The following RBM4 variants were observed in gnomAD, a reference collection of about 807,000 sequenced individuals.
RBM4 encodes the protein RNA binding motif protein 4, also known as RNA-binding protein 4.
A neutral mutation model predicts 29.5 loss-of-function variants in RBM4; 7 were observed. The observed-to-expected ratio is 0.24, with a 90% CI of 0.14 to 0.45. RBM4 has a LOEUF of 0.45. Ranked by LOEUF, RBM4 falls within the 20% of genes least tolerant of loss-of-function variation. The pLI is 1.00. For synonymous variants in RBM4, 220 were observed against 205.4 expected, an observed-to-expected ratio of 1.07 and a Z score of -0.61; for missense variants, 387 against 502.3, an observed-to-expected ratio of 0.77 and a Z score of 2.19.
At chr11:66,642,624 C>T (rs1005466739) in intron 2 of RBM4, among the ~76,000 whole-genome samples, 7 of 152,206 alleles carry the variant, frequency 4.6e-5, no homozygotes, top group East Asian at 1.9e-4. Flanking sequence ...GTTTGGTCCA[C>T]TGACTAGTAT....
Position 66,643,532 on chromosome 11 carries a change from C to T in RBM4, c.495C>T (p.Cys165=). 2.5e-6 allele frequency: 4 copies of T among 1,614,052 alleles called. No individual in the cohort carries two copies. Among genetic ancestry groups the T allele is most frequent in the African/African-American group, 2.7e-5 (2 of 74,988 alleles). The change falls in exon 3 of 4, where the codon TGC becomes TGT. Residue 165 remains cysteine, a synonymous_variant. Coordinates refer to ENST00000310092, the MANE Select transcript of RBM4 (RefSeq NM_002896.4). The surrounding 1 kb of genome is among the most constrained non-coding windows in gnomAD (Gnocchi z 6.1). ...GMGDQSGCYR[C]GKEGHWSKEC... is the part of the protein sequence containing the mutation. Reference sequence around the variant, plus strand: ...GAGACCAGAGCGGCTGCTATCGGTGCGGGAAAGAGGGGCACTGGTCCAAAG... The same window carrying T: ...GAGACCAGAGCGGCTGCTATCGGTGTGGGAAAGAGGGGCACTGGTCCAAAG...
At chr11:66,660,707 G>A (rs1276513036) in intron 2 of RBM4, among the ~76,000 whole-genome samples, 1 of 150,664 alleles carries the variant, frequency 6.6e-6, no homozygotes, top group Non-Finnish European at 1.5e-5. Flanking sequence ...AGGCTGGAGT[G>A]CAGTGGTGCG....
At chr11:66,654,276 G>A (rs182469798) in intron 2 of RBM4, among the ~76,000 whole-genome samples, 2 of 151,994 alleles carry the variant, frequency 1.3e-5, no homozygotes, top group Non-Finnish European at 2.9e-5. Flanking sequence ...CGGATCATGA[G>A]GTCAGGAAAT....
chr11:66,639,617 T>C (rs905693436), intron 1 of RBM4, 83 bp from the exon 2 acceptor site: 126 of 1,499,742 alleles, frequency 8.4e-5, no homozygotes, highest in Middle Eastern at 1.8e-4. Flanking sequence ...ACTGGAAATA[T>C]ACATTAGAGT....
intron 2 of RBM4, among the ~76,000 whole-genome samples, chr11:66,654,154 A>T (rs1190467695): frequency 6.6e-6 from 1 of 152,084 alleles, no homozygotes; most frequent in Non-Finnish European, 1.5e-5. Flanking sequence ...CCTCCCAAGT[A>T]CTTAGGACTA....
At chr11:66,652,138 GC>G (rs1938845679) in intron 2 of RBM4, 1 of 151,910 alleles carries the variant, frequency 6.6e-6, no homozygotes, top group Non-Finnish European at 1.5e-5. Flanking sequence ...GGTCACCCAG[GC>G]TGGAGCGCAG....
intron 2 of RBM4, chr11:66,640,502 T>C: frequency 2.4e-6 from 1 of 412,764 alleles, no homozygotes; most frequent in South Asian, 6.5e-5. Flanking sequence ...ATCAGAATTC[T>C]GCATTTTACG....
At chr11:66,639,206 G>C (rs570552764) in intron 1 of RBM4, 3 of 158,122 alleles carry the variant, frequency 1.9e-5, no homozygotes, top group East Asian at 1.9e-4. Context: ...CTCGCTGTCT[G>C]ATCCGAGTCG....
Position 66,643,796 on chromosome 11 carries a change from A to G in RBM4, c.759A>G (p.Pro253=). 1 of 1,613,962 alleles carries G rather than the reference A, an allele frequency of 6.2e-7. No individual in the cohort carries two copies. Among genetic ancestry groups the G allele is most frequent in the Non-Finnish European group, 8.5e-7 (1 of 1,179,978 alleles). ...CAGAGCAGACCCTGTCCCAGCTGCC[A>G]CAAGTCCAGAATACAGCCATGGCCA... The part of the protein sequence containing the change: ...NYAEQTLSQL[P]QVQNTAMASH... The change falls in exon 3 of 4, where the codon CCA becomes CCG. Residue 253 remains proline, a synonymous_variant. Coordinates refer to ENST00000310092, the MANE Select transcript of RBM4 (RefSeq NM_002896.4). The surrounding 1 kb of genome is among the most constrained non-coding windows in gnomAD (Gnocchi z 6.1).
chr11:66,640,455 G>A (rs1467894065), intron 2 of RBM4: 7 of 482,076 alleles, frequency 1.5e-5, no homozygotes, highest in Non-Finnish European at 2.5e-5. Context: ...GCACAGTTCA[G>A]AGTTCCTCAC....
exon 3 of RBM4, chr11:66,666,242 A>G (rs72923084): frequency 0.019 from 18,916 of 995,776 alleles, 251 homozygotes; most frequent in Middle Eastern, 0.027. Context: ...CCAGACACCA[A>G]TGGCTGGGGG....
downstream of RBM4, among the ~76,000 whole-genome samples, chr11:66,650,151 T>C (rs1938793274): frequency 6.6e-6 from 1 of 152,186 alleles, no homozygotes; most frequent in Admixed American, 6.6e-5. Context: ...GTGGGAATGG[T>C]CATACTATTT....
chr11:66,665,085 T>C (rs1307203817), intron 2 of RBM4: 1 of 154,540 alleles, frequency 6.5e-6, no homozygotes, highest in African/African-American at 2.4e-5. Context: ...CAGCTAATGC[T>C]GTACCACGAT....
rs377315779 is a variant in RBM4 at position 66,643,727 on chromosome 11, C to G, written c.690C>G (p.Ser230=). ...AYYKRCRAAR[S]YEAVAAAAAS... ...ACAAGCGCTGCCGTGCTGCCCGGTCCTATGAGGCAGTGGCAGCTGCAGCTG... is the reference window on the plus strand; with the variant it reads ...ACAAGCGCTGCCGTGCTGCCCGGTCGTATGAGGCAGTGGCAGCTGCAGCTG... The change falls in exon 3 of 4, where the codon TCC becomes TCG. Residue 230 remains serine (S), a synonymous_variant. Transcript: ENST00000310092. This position sits in a 1 kb window ranked among gnomAD's most constrained non-coding sequence, Gnocchi z 6.1. 3 of 1,614,138 alleles carry G rather than the reference C, an allele frequency of 1.9e-6. No individual in the cohort carries two copies. The highest frequency in any genetic ancestry group is 2.5e-6 in the Non-Finnish European group (3 of 1,180,016).
intron 2 of RBM4, among the ~76,000 whole-genome samples, chr11:66,656,049 C>T (rs1278548693): frequency 6.6e-6 from 1 of 152,112 alleles, no homozygotes; most frequent in East Asian, 1.9e-4. Flanking sequence ...CAGCTCACCA[C>T]AACCTCCGCC....
chr11:66,668,294 G>GTC, exon 3 of RBM4: 4 of 245,616 alleles, frequency 1.6e-5, no homozygotes, highest in South Asian at 9.2e-5. Context: ...ATATACAGAG[G>GTC]GCACATAACA....
At position 66,644,924 on chromosome 11, in the gene RBM4, A is replaced by G. The variant is rs1047299322; in HGVS notation, c.*8+784A>G. On this transcript the variant is annotated intron_variant, in intron 3 of 3. Transcript: ENST00000310092. ...TAACAGCCCAGCCTGTCACTTACTT[A>G]GGGTTTTTTTTTTTTTTAAGTAACT... Among the ~76,000 whole-genome samples, 4 of 150,790 alleles carry G rather than the reference A, an allele frequency of 2.7e-5. No homozygotes were observed. In the East Asian group the frequency reaches 7.7e-4, roughly 29 times the overall value.
intron 2 of RBM4, chr11:66,640,956 A>G (rs1378965185): frequency 6.6e-6 from 1 of 152,128 alleles, no homozygotes; most frequent in Non-Finnish European, 1.5e-5. Flanking sequence ...AGCATTTTGG[A>G]TTTTGAATTT....
chr11:66,656,095 T>G (rs1938943957), intron 2 of RBM4, among the ~76,000 whole-genome samples: 2 of 152,134 alleles, frequency 1.3e-5, no homozygotes, highest in Admixed American at 1.3e-4. Flanking sequence ...CTCAGCCTCC[T>G]GAGTAGCTGG....
Sources: gnomAD v4.1 joint callset for allele counts (sites outside exome capture counted in the v4.1 genomes callset) on GRCh38, gnomAD v4.1.1 for gene constraint, Gnocchi (gnomAD v3.1) non-coding constraint, MANE v1.5 for transcripts, NCBI Gene and HGNC (gene_info 2026-07-23, HGNC 2026-07-21) for gene names.